FRMD6: variants seen among roughly 807,000 people sequenced by gnomAD.
FRMD6 encodes the protein FERM domain-containing protein 6.
FRMD6 carries 37 observed loss-of-function variants against 73.2 expected under a neutral mutation model. The observed-to-expected ratio is 0.51, with a 90% CI of 0.39 to 0.66. The LOEUF (loss-of-function observed/expected upper bound fraction) is 0.66, where lower values mean the gene tolerates loss of function less well. FRMD6 is among the 30% of genes least tolerant of loss of function. The probability of loss-of-function intolerance (pLI) is 0.00; values close to 1 mark genes in which losing one functional copy is unlikely to be tolerated. For synonymous variants in FRMD6, 273 were observed against 282.2 expected, an observed-to-expected ratio of 0.97 and a Z score of 0.33; for missense variants, 714 against 780.5, an observed-to-expected ratio of 0.91 and a Z score of 1.02.
intron 7 of FRMD6, chr14:51,708,475 T>TTGGC (rs1484411756): frequency 2.9e-6 from 1 of 343,506 alleles, no homozygotes; most frequent in African/African-American, 2.1e-5. Context: ...GAGATGACAA[T>TTGGC]TGGCTATAAG....
intron 2 of FRMD6, among the ~76,000 whole-genome samples, chr14:51,624,047 G>A (rs1305059582): frequency 6.6e-6 from 1 of 152,078 alleles, no homozygotes; most frequent in African/African-American, 2.4e-5. Flanking sequence ...ACTAATGCAG[G>A]AACAGAACAC....
the FRMD6 span, among the ~76,000 whole-genome samples, chr14:51,471,006 G>A: frequency 6.6e-6 from 1 of 152,160 alleles, no homozygotes; most frequent in Non-Finnish European, 1.5e-5. Context: ...GTTAGATAGT[G>A]ATCAATAGTA....
chr14:51,710,785 A>G (rs1473937517), intron 7 of FRMD6, among the ~76,000 whole-genome samples: 1 of 152,156 alleles, frequency 6.6e-6, no homozygotes, highest in Non-Finnish European at 1.5e-5. Flanking sequence ...CACTATATAT[A>G]CTTATTACAG....
chr14:51,727,607 C>T (rs1006124544), intron 13 of FRMD6, 138 bp from the exon 14 acceptor site: 1 of 741,754 alleles, frequency 1.3e-6, no homozygotes, highest in East Asian at 2.6e-5. Context: ...CCATACAGCC[C>T]AGAAACCACA....
intron 1 of FRMD6, among the ~76,000 whole-genome samples, chr14:51,557,693 G>T (rs1007148019): frequency 6.6e-6 from 1 of 152,130 alleles, no homozygotes; most frequent in Non-Finnish European, 1.5e-5. Flanking sequence ...AAATAAATAT[G>T]TGAGGTAATA....
At chr14:51,708,346 A>T (rs895403755) in intron 7 of FRMD6, 113 bp downstream of exon 7, 1 of 1,050,886 alleles carries the variant, frequency 9.5e-7, no homozygotes, top group Middle Eastern at 3.0e-4. Context: ...CATTTTTTAC[A>T]TGCTTTTAAA....
chr14:51,498,385 T>C (rs1418523305), intron 1 of FRMD6, among the ~76,000 whole-genome samples: 1 of 150,952 alleles, frequency 6.6e-6, no homozygotes, highest in East Asian at 2.0e-4. Flanking sequence ...CATATTTTAA[T>C]TTTTGTTTTG....
the FRMD6 span, among the ~76,000 whole-genome samples, chr14:51,452,502 T>C: frequency 2.6e-5 from 4 of 152,196 alleles, no homozygotes; most frequent in African/African-American, 9.6e-5. Context: ...TTGGAGCATA[T>C]TGACTGAGGT....
chr14:51,558,416 C>A (rs981002091), intron 1 of FRMD6, among the ~76,000 whole-genome samples: 1 of 150,270 alleles, frequency 6.7e-6, no homozygotes, highest in African/African-American at 2.5e-5. Flanking sequence ...TGCAGTGAGC[C>A]GAGATTGCAC....
At chr14:51,455,780 T>C in the FRMD6 span, among the ~76,000 whole-genome samples, 1 of 152,158 alleles carries the variant, frequency 6.6e-6, no homozygotes, top group Non-Finnish European at 1.5e-5. Context: ...AATTCTGGTA[T>C]GGGGAGGAGG....
chr14:51,476,555 G>T, the FRMD6 span, among the ~76,000 whole-genome samples: 4 of 152,316 alleles, frequency 2.6e-5, no homozygotes, highest in South Asian at 8.3e-4. Flanking sequence ...GCTGGCAAGT[G>T]CCAGGAGTGA....
chr14:51,577,314 C>T (rs1888461307), intron 2 of FRMD6, among the ~76,000 whole-genome samples: 1 of 152,008 alleles, frequency 6.6e-6, no homozygotes, highest in African/African-American at 2.4e-5. Flanking sequence ...ACTCATGGCA[C>T]AGTCAGTAGC....
In FRMD6 at chr14:51,721,954, G is replaced by A. The variant is rs1179135910; in HGVS notation, c.1366G>A (p.Glu456Lys). The change falls in exon 12 of 14, where the codon GAG (glutamate) becomes AAG (lysine). Residue 456 changes from glutamate (E) to lysine (K), a missense_variant. Coordinates refer to ENST00000344768, the MANE Select transcript of FRMD6 (RefSeq NM_001267046.2). ...LEEDLQDDEIEMLVDDPRDLE... is the reference protein window; with the variant it reads ...LEEDLQDDEIKMLVDDPRDLE... The stretch of plus-strand genomic sequence containing the variant: ...TTTTCCTTCTTCTGTGTCAGAAATA[G>A]AGATGTTGGTTGATGACCCCCGGGA... The A allele has an allele frequency of 6.2e-7, 1 of 1,613,924 alleles. No homozygotes were observed. Among genetic ancestry groups the A allele is most frequent in the Non-Finnish European group, 8.5e-7 (1 of 1,180,008 alleles).
chr14:51,678,022 C>T (rs1455387830), intron 1 of FRMD6, among the ~76,000 whole-genome samples: 1 of 152,122 alleles, frequency 6.6e-6, no homozygotes, highest in Non-Finnish European at 1.5e-5. Context: ...ACTTTAGGCT[C>T]CAAGTCACTC....
intron 1 of FRMD6, among the ~76,000 whole-genome samples, chr14:51,528,641 G>A (rs553931878): frequency 6.6e-6 from 1 of 152,258 alleles, no homozygotes; most frequent in Admixed American, 6.5e-5. Flanking sequence ...TGGGGAAAGA[G>A]GGTAGGCTTG....
the FRMD6 span, among the ~76,000 whole-genome samples, chr14:51,442,878 AAAAC>A: frequency 6.6e-6 from 1 of 152,250 alleles, no homozygotes; most frequent in Non-Finnish European, 1.5e-5. Flanking sequence ...GAACAGCAAG[AAAAC>A]AAACAGAGTG....
At chr14:51,642,895 C>CTAAAAAAGCCCTAAA (rs1891874119) in intron 2 of FRMD6, among the ~76,000 whole-genome samples, 1 of 152,032 alleles carries the variant, frequency 6.6e-6, no homozygotes, top group Non-Finnish European at 1.5e-5. Flanking sequence ...CTAAAAGAGC[C>CTAAAAAAGCCCTAAA]AGGGGAGCAG....
chr14:51,545,600 A>G (rs934450842), intron 1 of FRMD6, among the ~76,000 whole-genome samples: 13 of 152,086 alleles, frequency 8.5e-5, no homozygotes, highest in Non-Finnish European at 1.6e-4. Context: ...CCCCAGAGCC[A>G]TTTTACCAGC....
chr14:51,639,749 A>G (rs1272023364), intron 2 of FRMD6, among the ~76,000 whole-genome samples: 2 of 152,214 alleles, frequency 1.3e-5, no homozygotes, highest in Non-Finnish European at 2.9e-5. Flanking sequence ...CCTCGTATTT[A>G]TCTATGAGCC....
Sources: gnomAD v4.1 joint callset for allele counts (sites outside exome capture counted in the v4.1 genomes callset) on GRCh38, gnomAD v4.1.1 for gene constraint, MANE v1.5 for transcripts, NCBI Gene and HGNC (gene_info 2026-07-23, HGNC 2026-07-21) for gene names.